The following AOPEP variants were observed in gnomAD, a reference collection of about 807,000 sequenced individuals.
AOPEP encodes aminopeptidase O (putative), also known as aminopeptidase O.
A neutral mutation model predicts 98.1 loss-of-function variants in AOPEP; 77 were observed. That is an observed-to-expected ratio of 0.78 (90% CI 0.65 to 0.95). The LOEUF is 0.95. AOPEP is among the 40% of genes least tolerant of loss of function. The pLI is 0.00. For missense variants in AOPEP, 1,024 were observed against 1,024.7 expected, an observed-to-expected ratio of 1.00 and a Z score of 0.01; for synonymous variants, 346 against 365.3, an observed-to-expected ratio of 0.95 and a Z score of 0.60.
rs774867745 is a variant in AOPEP, at chr9:95,060,782, C to G, written c.2204C>G (p.Thr735Arg). The G allele has an allele frequency of 1.2e-6, 2 of 1,612,886 alleles. No homozygotes were observed. The highest frequency in any genetic ancestry group is 1.7e-6 in the Non-Finnish European group (2 of 1,178,842). ...SPRTLQSLQR[T>R]YHLQDQDAEV... ...CGAACTCTGCAAAGCCTCCAGAGGA[C>G]ATACCACCTCCAGGATCAGGATGCA... The change falls in exon 14 of 17, where the codon ACA becomes AGA. Residue 735 changes from threonine (T) to arginine (R), a missense_variant. By Grantham distance (71) the Thr-to-Arg change is moderately conservative (BLOSUM62 -1). Around this residue, in one of 3 missense-constraint regions of AOPEP, gnomAD observed 566 missense variants for 551.7 expected, o/e 1.03. Transcript: ENST00000375315.
At chr9:94,966,586 T>C (rs2059214629) in intron 9 of AOPEP, among the ~76,000 whole-genome samples, 1 of 152,256 alleles carries the variant, frequency 6.6e-6, no homozygotes, top group African/African-American at 2.4e-5. Context: ...AGTTAAATAT[T>C]GTTCTTGTTT....
At chr9:94,868,475 A>G (rs139132564) in intron 5 of AOPEP, among the ~76,000 whole-genome samples, 3 of 152,300 alleles carry the variant, frequency 2.0e-5, no homozygotes, top group East Asian at 1.9e-4. Flanking sequence ...TTCTTTGTTC[A>G]TGGGCATTTT....
the AOPEP span, among the ~76,000 whole-genome samples, chr9:95,114,915 G>A: frequency 5.9e-5 from 9 of 152,260 alleles, no homozygotes; most frequent in East Asian, 1.7e-3. Flanking sequence ...ACACAGAGTT[G>A]AACATCAAAG....
intron 1 of AOPEP, among the ~76,000 whole-genome samples, chr9:94,747,042 T>G (rs10732404): frequency 0.24 from 6,628 of 27,128 alleles, 425 homozygotes; most frequent in East Asian, 0.51. Flanking sequence ...CTCCAGTGGG[T>G]TTTTTTTTTT....
intron 5 of AOPEP, among the ~76,000 whole-genome samples, chr9:94,818,960 C>T (rs1852336254): frequency 6.6e-6 from 1 of 152,222 alleles, no homozygotes; most frequent in African/African-American, 2.4e-5. Context: ...TGCCACTGCA[C>T]TCCAGCCTGG....
At chr9:95,130,290 G>GT in the AOPEP span, among the ~76,000 whole-genome samples, 1 of 148,190 alleles carries the variant, frequency 6.7e-6, no homozygotes, top group South Asian at 2.1e-4. Flanking sequence ...TTCTGTGTGT[G>GT]TGTGTGTGTG....
chr9:94,966,755 A>G (rs185208166), intron 9 of AOPEP, among the ~76,000 whole-genome samples: 3 of 152,208 alleles, frequency 2.0e-5, no homozygotes, highest in African/African-American at 7.2e-5. Context: ...ATAATTTTTT[A>G]ATGTAGTTAT....
chr9:95,111,650 C>G, the AOPEP span: 2 of 1,614,114 alleles, frequency 1.2e-6, no homozygotes, highest in Middle Eastern at 1.6e-4. Context: ...GGAACAGAGG[C>G]AGAACACATG....
intron 5 of AOPEP, among the ~76,000 whole-genome samples, chr9:94,802,190 T>C (rs1395000485): frequency 1.3e-5 from 2 of 152,136 alleles, no homozygotes; most frequent in East Asian, 3.8e-4. Flanking sequence ...GCTTCTTTTG[T>C]CCCTTTGAAG....
At chr9:95,114,152 GATTT>G in the AOPEP span, 3 of 201,080 alleles carry the variant, frequency 1.5e-5, no homozygotes, top group Non-Finnish European at 3.1e-5. Context: ...ATTTTAGAGA[GATTT>G]ATTAGAGAGA....
At chr9:94,735,421 C>T (rs566044676) in intron 1 of AOPEP, among the ~76,000 whole-genome samples, 195 of 152,180 alleles carry the variant, frequency 1.3e-3, no homozygotes, top group Non-Finnish European at 2.4e-3. Context: ...AGGGTTTCAC[C>T]GTGTTAGCCA....
intron 3 of AOPEP, 39 bp downstream of exon 3, chr9:94,773,207 C>T: frequency 1.3e-6 from 2 of 1,543,552 alleles, no homozygotes; most frequent in South Asian, 2.4e-5. Flanking sequence ...ATGTATTGCA[C>T]ACATGTGGAC....
At chr9:94,844,754 G>T in intron 5 of AOPEP, among the ~76,000 whole-genome samples, 1 of 152,174 alleles carries the variant, frequency 6.6e-6, no homozygotes. Flanking sequence ...TCTGTGCCCT[G>T]GAAGAACTCA....
At chr9:95,066,961 A>C (rs1346969358) in intron 14 of AOPEP, among the ~76,000 whole-genome samples, 1 of 152,138 alleles carries the variant, frequency 6.6e-6, no homozygotes, top group African/African-American at 2.4e-5. Context: ...AAACCACACA[A>C]CTTTCTTTGA....
At chr9:94,947,305 G>A (rs1368923314) in intron 7 of AOPEP, among the ~76,000 whole-genome samples, 1 of 151,860 alleles carries the variant, frequency 6.6e-6, no homozygotes, top group African/African-American at 2.4e-5. Context: ...TAAGAGATGG[G>A]TCTTTCTCTG....
the AOPEP span, among the ~76,000 whole-genome samples, chr9:95,108,645 T>C: frequency 6.6e-6 from 1 of 152,220 alleles, no homozygotes. Context: ...TTTTAAAGTA[T>C]TTTTTATCCT....
chr9:94,764,735 T>C (rs970457778), intron 2 of AOPEP, among the ~76,000 whole-genome samples: 8 of 152,124 alleles, frequency 5.3e-5, no homozygotes, highest in African/African-American at 1.9e-4. Context: ...GAAAGCTGAA[T>C]GAAGTGTGTA....
chr9:94,914,556 GTGTGTA>G (rs2052528487), intron 5 of AOPEP, among the ~76,000 whole-genome samples: 2 of 151,988 alleles, frequency 1.3e-5, no homozygotes, highest in African/African-American at 4.8e-5. Flanking sequence ...GTGTGTGTGT[GTGTGTA>G]TGTACAGGAT....
intron 3 of AOPEP, among the ~76,000 whole-genome samples, chr9:94,786,268 T>G (rs550307845): frequency 1.1e-4 from 16 of 152,342 alleles, no homozygotes; most frequent in Non-Finnish European, 1.9e-4. Flanking sequence ...ACTATGATAA[T>G]TCTCTTGTTA....
Sources: allele counts gnomAD v4.1 joint callset (sites outside exome capture counted in the v4.1 genomes callset), GRCh38; gene constraint gnomAD v4.1.1; regional missense constraint gnomAD v4.1.1; transcripts MANE v1.5; gene names NCBI Gene and HGNC (gene_info 2026-07-23, HGNC 2026-07-21).